ACSM6: variants seen among roughly 807,000 people sequenced by gnomAD.
ACSM6 encodes the protein acyl-coenzyme A synthetase ACSM6, mitochondrial.
Under a neutral mutation model 51.1 loss-of-function variants are expected in ACSM6, and 35 were observed. The observed-to-expected ratio is 0.69, with a 90% CI of 0.52 to 0.91. The LOEUF is 0.91. ACSM6 is among the 40% of genes least tolerant of loss of function. ACSM6 has a pLI of 0.00. For synonymous variants in ACSM6, 172 were observed against 207.3 expected (o/e 0.83, Z 1.46); for missense variants, 509 against 584.1 (o/e 0.87, Z 1.32).
exon 2 of ACSM6, chr10:95,194,471 C>T (rs1380351045): frequency 6.4e-7 from 1 of 1,550,742 alleles, no homozygotes; most frequent in East Asian, 2.4e-5. Context: ...CTAGGTGGTT[C>T]CCTGTCTGAC....
chr10:95,197,341 C>T (rs182898049), intron 2 of ACSM6, among the ~76,000 whole-genome samples: 169 of 152,024 alleles, frequency 1.1e-3, no homozygotes, highest in South Asian at 4.8e-3. Context: ...AGGACCTGCA[C>T]CGGCACCGGT....
intron 6 of ACSM6, among the ~76,000 whole-genome samples, chr10:95,212,328 T>C (rs945826671): frequency 6.6e-6 from 1 of 152,212 alleles, no homozygotes; most frequent in African/African-American, 2.4e-5. Context: ...ACTGATTACT[T>C]ACTGGCACTT....
intron 8 of ACSM6, among the ~76,000 whole-genome samples, chr10:95,216,793 T>A (rs907374985): frequency 6.6e-6 from 1 of 151,982 alleles, no homozygotes; most frequent in Non-Finnish European, 1.5e-5. Flanking sequence ...GAACATCCAG[T>A]AAAGAGGATA....
chr10:95,228,680 A>G, exon 11 of ACSM6: 1 of 1,551,840 alleles, frequency 6.4e-7, no homozygotes, highest in Non-Finnish European at 8.7e-7. Flanking sequence ...AAGAGGCCAC[A>G]TGCTTTACCT....
At chr10:95,225,879 T>A (rs1453108658) in intron 10 of ACSM6, 1 of 152,352 alleles carries the variant, frequency 6.6e-6, no homozygotes. Context: ...TATCTATAAC[T>A]GTTCCACCAC....
At chr10:95,194,468 G>A (rs2034705452) in exon 2 of ACSM6, 3 of 1,550,322 alleles carry the variant, frequency 1.9e-6, no homozygotes, top group Non-Finnish European at 2.6e-6. Context: ...TACCTAGGTG[G>A]TTCCCTGTCT....
intron 6 of ACSM6, 27 bp downstream of exon 6, chr10:95,212,061 T>C (rs1435029049): frequency 6.2e-7 from 1 of 1,613,492 alleles, no homozygotes; most frequent in Admixed American, 1.7e-5. Context: ...GTGTGGAATG[T>C]GTGGGACAAA....
At position 95,214,968 on chromosome 10, in the gene ACSM6, C is replaced by T. The variant is rs191388694; in HGVS notation, c.1112C>T (p.Thr371Met). The change falls in exon 8 of 11, where the codon ACG becomes ATG. Residue 371 changes from threonine (T) to methionine (M), a missense_variant. Transcript: ENST00000341686. ...GACATCTATGAAGGCTATGGGCAGA[C>T]GGAAACTGTAGGTTGATGCTGACTC... 93 of 1,551,462 alleles carry T rather than the reference C, an allele frequency of 6.0e-5. No homozygotes were observed. Among genetic ancestry groups the T allele is most frequent in the Middle Eastern group, 1.7e-4 (1 of 5,986 alleles).
At chr10:95,208,337 A>T (rs2034862978) in intron 4 of ACSM6, among the ~76,000 whole-genome samples, 1 of 152,142 alleles carries the variant, frequency 6.6e-6, no homozygotes, top group African/African-American at 2.4e-5. Context: ...AGAGGATGGG[A>T]GAGGATGAGG....
chr10:95,213,184 T>A (rs544072749), intron 7 of ACSM6, among the ~76,000 whole-genome samples: 42 of 152,252 alleles, frequency 2.8e-4, no homozygotes, highest in African/African-American at 9.6e-4. Context: ...TGTTAAAAAA[T>A]TTATAATTAT....
chr10:95,202,184 G>A, exon 3 of ACSM6: 1 of 1,552,086 alleles, frequency 6.4e-7, no homozygotes, highest in Non-Finnish European at 8.7e-7. Flanking sequence ...TGCCTGGCCT[G>A]TGTGCGCTTG....
intron 5 of ACSM6, among the ~76,000 whole-genome samples, chr10:95,211,341 G>C (rs1209969581): frequency 6.6e-6 from 1 of 152,244 alleles, no homozygotes; most frequent in Non-Finnish European, 1.5e-5. Flanking sequence ...GCTTGCACTT[G>C]TGTTAGCTTG....
At position 95,217,205 on chromosome 10, in the gene ACSM6, G is replaced by A. The variant is rs112547912; in HGVS notation, c.1119+2230G>A. Among the ~76,000 whole-genome samples, 471 of 148,930 alleles carry A rather than the reference G, an allele frequency of 3.2e-3. 3 individuals are homozygous for A. Among genetic ancestry groups the A allele is most frequent in the African/African-American group, 0.011 (436 of 38,494 alleles). On this transcript the variant is annotated intron_variant, in intron 8 of 10. Transcript: ENST00000341686. ...TTACTAAAAATACAAAAAATTAGCC[G>A]GGTGTGGTGGCACGCACCTGCAGTC...
intron 2 of ACSM6, among the ~76,000 whole-genome samples, chr10:95,196,713 G>A (rs1397646474): frequency 6.6e-6 from 1 of 152,176 alleles, no homozygotes; most frequent in African/African-American, 2.4e-5. Context: ...TGCTGTGAAA[G>A]CACTATGCTG....
intron 9 of ACSM6, among the ~76,000 whole-genome samples, chr10:95,220,309 G>A (rs1264676614): frequency 6.6e-6 from 1 of 152,160 alleles, no homozygotes; most frequent in Non-Finnish European, 1.5e-5. Context: ...ACCATAATAA[G>A]CATTCTGTAC....
intron 2 of ACSM6, among the ~76,000 whole-genome samples, chr10:95,198,920 A>G (rs1564585892): frequency 1.3e-5 from 2 of 152,180 alleles, no homozygotes; most frequent in African/African-American, 4.8e-5. Flanking sequence ...GAAAATGGCC[A>G]TACTGCCCAA....
chr10:95,223,159 GACAC>G (rs10572248), intron 9 of ACSM6, among the ~76,000 whole-genome samples: 22,950 of 146,798 alleles, frequency 0.16, 1,890 homozygotes, highest in Middle Eastern at 0.37. Context: ...CACACATACA[GACAC>G]ACACACACAC....
intron 7 of ACSM6, among the ~76,000 whole-genome samples, 157 bp from the exon 8 acceptor site, chr10:95,214,695 A>T (rs1220592092): frequency 6.6e-6 from 1 of 152,206 alleles, no homozygotes; most frequent in Non-Finnish European, 1.5e-5. Flanking sequence ...GTCTGAATAG[A>T]TTATCTAATA....
chr10:95,227,346 C>T (rs686016), intron 10 of ACSM6, among the ~76,000 whole-genome samples: 120,362 of 152,104 alleles, frequency 0.79, 48,620 homozygotes, highest in Middle Eastern at 0.87. Flanking sequence ...ATTTAACATA[C>T]CTGCTATTGT....
Sources: allele counts gnomAD v4.1 joint callset (sites outside exome capture counted in the v4.1 genomes callset), GRCh38; gene constraint gnomAD v4.1.1; transcripts MANE v1.5; gene names NCBI Gene and HGNC (gene_info 2026-07-23, HGNC 2026-07-21).